CSMD1: variants seen among roughly 807,000 people sequenced by gnomAD.
The protein encoded by CSMD1 is CUB and Sushi multiple domains 1.
Under a neutral mutation model 417.5 loss-of-function variants are expected in CSMD1, and 213 were observed. That is an observed-to-expected ratio of 0.51 (90% CI 0.46 to 0.57). The LOEUF is 0.57. CSMD1 is among the 20% of genes least tolerant of loss of function. CSMD1 has a pLI of 0.00. For missense variants in CSMD1, 6,923 were observed against 4,529.7 expected (o/e 1.53, Z -15.17); for synonymous variants, 2,862 against 1,736.8 (o/e 1.65, Z -16.11).
At chr8:4,253,660 T>A (rs1431834379) in intron 3 of CSMD1, among the ~76,000 whole-genome samples, 1 of 152,046 alleles carries the variant, frequency 6.6e-6, no homozygotes, top group African/African-American at 2.4e-5. Flanking sequence ...AGACACACAA[T>A]CGTTTGCAAC....
intron 7 of CSMD1, among the ~76,000 whole-genome samples, chr8:3,675,713 G>C (rs1006979559): frequency 5.2e-4 from 79 of 152,026 alleles, no homozygotes; most frequent in Middle Eastern, 3.2e-3. Flanking sequence ...GCAAGACTCT[G>C]AATCTATAAG....
intron 3 of CSMD1, among the ~76,000 whole-genome samples, chr8:4,074,890 A>T (rs1585257469): frequency 6.6e-6 from 1 of 152,156 alleles, no homozygotes; most frequent in African/African-American, 2.4e-5. Flanking sequence ...TTAAACTTCC[A>T]CGTGGCAGAA....
At chr8:3,848,371 A>AT (rs145037870) in intron 5 of CSMD1, among the ~76,000 whole-genome samples, 9,485 of 152,014 alleles carry the variant, frequency 0.062, 395 homozygotes, top group African/African-American at 0.13. Flanking sequence ...AAAAAGACTC[A>AT]TTTTTTTTCT....
chr8:4,508,722 G>A (rs899282907), intron 2 of CSMD1, among the ~76,000 whole-genome samples: 2 of 151,998 alleles, frequency 1.3e-5, no homozygotes, highest in African/African-American at 4.8e-5. Context: ...GCTTCAAAGG[G>A]GAATCAGATG....
chr8:4,948,128 A>C (rs1808490561), intron 1 of CSMD1, among the ~76,000 whole-genome samples: 1 of 152,064 alleles, frequency 6.6e-6, no homozygotes, highest in South Asian at 2.1e-4. Context: ...GTATCAATTT[A>C]TACTACTATC....
At chr8:3,822,287 C>G (rs1211761167) in intron 5 of CSMD1, among the ~76,000 whole-genome samples, 3 of 152,138 alleles carry the variant, frequency 2.0e-5, no homozygotes, top group Non-Finnish European at 4.4e-5. Context: ...CTTGTAAGAG[C>G]TTGTGTCTAG....
At chr8:4,853,431 G>A (rs1402154699) in intron 1 of CSMD1, among the ~76,000 whole-genome samples, 1 of 152,198 alleles carries the variant, frequency 6.6e-6, no homozygotes, top group African/African-American at 2.4e-5. Context: ...CAATCCATAA[G>A]CTTGGCAGCT....
At chr8:2,986,659 C>G (rs556274295) in intron 54 of CSMD1, among the ~76,000 whole-genome samples, 69 of 152,132 alleles carry the variant, frequency 4.5e-4, no homozygotes, top group Non-Finnish European at 8.8e-4. Flanking sequence ...TGCCCACCAC[C>G]ACGCCCAGCT....
At chr8:3,063,198 T>A (rs1421550173) in intron 49 of CSMD1, among the ~76,000 whole-genome samples, 3 of 152,178 alleles carry the variant, frequency 2.0e-5, no homozygotes, top group African/African-American at 7.2e-5. Flanking sequence ...TCCTCCCTGA[T>A]AAGTGGGCTT....
chr8:4,250,845 C>T (rs1563336645), intron 3 of CSMD1, among the ~76,000 whole-genome samples: 1 of 152,176 alleles, frequency 6.6e-6, no homozygotes, highest in Non-Finnish European at 1.5e-5. Flanking sequence ...AATATGTCAA[C>T]ACCTTGTCAC....
At chr8:4,221,887 G>A (rs932680107) in intron 3 of CSMD1, among the ~76,000 whole-genome samples, 1 of 152,108 alleles carries the variant, frequency 6.6e-6, no homozygotes, top group African/African-American at 2.4e-5. Context: ...CTTAGCAGAG[G>A]AAATTCACCA....
intron 10 of CSMD1, among the ~76,000 whole-genome samples, chr8:3,523,013 ACC>A (rs754905492): frequency 0.04 from 4,714 of 116,882 alleles, 97 homozygotes; most frequent in African/African-American, 0.079. Flanking sequence ...ATATACACAC[ACC>A]CACACACACA....
At chr8:4,041,797 A>C (rs1185374367) in intron 3 of CSMD1, among the ~76,000 whole-genome samples, 1 of 152,186 alleles carries the variant, frequency 6.6e-6, no homozygotes, top group African/African-American at 2.4e-5. Context: ...ATTAAAAAAC[A>C]AACAAACATA....
chr8:4,410,110 G>T (rs970021890), intron 3 of CSMD1, among the ~76,000 whole-genome samples: 6 of 152,076 alleles, frequency 3.9e-5, no homozygotes, highest in Non-Finnish European at 8.8e-5. Flanking sequence ...CACCGTACCC[G>T]GTCCCATACT....
chr8:3,896,347 T>C (rs1298785666), intron 5 of CSMD1, among the ~76,000 whole-genome samples: 3 of 152,182 alleles, frequency 2.0e-5, no homozygotes, highest in Admixed American at 1.3e-4. Context: ...CTTTGCTGAA[T>C]TAGCAAAACA....
At position 3,701,874 on chromosome 8, in the gene CSMD1, G is replaced by A. The variant is rs146161291; in HGVS notation, c.1009+6540C>T. Reference sequence around the variant, plus strand: ...AAAGCCAGAGGGAGATGGAACCACTGTGTGTCGTTATGAAGGACAAGAGTC... The same window carrying A: ...AAAGCCAGAGGGAGATGGAACCACTATGTGTCGTTATGAAGGACAAGAGTC... On this transcript the variant is annotated intron_variant, in intron 7 of 69. Transcript: ENST00000635120. 7.1e-3 allele frequency among the ~76,000 whole-genome samples: 1,076 copies of A among 152,260 alleles called. 14 individuals carry two copies. Among genetic ancestry groups the A allele is most frequent in the African/African-American group, 0.021 (891 of 41,552 alleles).
rs150306120 is a variant in CSMD1 at position 4,321,136 on chromosome 8, A to C, written c.415+98817T>G. Among the ~76,000 whole-genome samples the C allele has an allele frequency of 6.9e-3, 1,051 of 152,254 alleles. 13 individuals carry two copies. Among genetic ancestry groups the C allele is most frequent in the African/African-American group, 0.024 (982 of 41,550 alleles). ...GTCTAAATCAATCAAAGGCAGGAAG[A>C]GTGTCAAACCTATTTTTTATCCTGT... On this transcript the variant is annotated intron_variant, in intron 3 of 69. Coordinates refer to ENST00000635120, the MANE Select transcript of CSMD1 (RefSeq NM_033225.6).
intron 1 of CSMD1, among the ~76,000 whole-genome samples, chr8:4,875,007 T>C (rs568433619): frequency 5.7e-4 from 86 of 152,016 alleles, no homozygotes; most frequent in African/African-American, 1.8e-3. Context: ...CCTTCTTTTC[T>C]TCCTTTTCTC....
intron 3 of CSMD1, among the ~76,000 whole-genome samples, chr8:4,317,774 G>C (rs1799019851): frequency 6.6e-6 from 1 of 152,086 alleles, no homozygotes; most frequent in Non-Finnish European, 1.5e-5. Context: ...TGCCCCAGAA[G>C]TTTTCTTTTA....
Sources: allele counts gnomAD v4.1 joint callset (sites outside exome capture counted in the v4.1 genomes callset), GRCh38; gene constraint gnomAD v4.1.1; transcripts MANE v1.5; gene names NCBI Gene and HGNC (gene_info 2026-07-23, HGNC 2026-07-21).